The following PLD1 variants were observed in gnomAD, a reference collection of about 807,000 sequenced individuals.
The protein encoded by PLD1 is choline phosphatase 1.
Under a neutral mutation model 137.1 loss-of-function variants are expected in PLD1, and 112 were observed. That is an observed-to-expected ratio of 0.82 (90% CI 0.70 to 0.96). The LOEUF (loss-of-function observed/expected upper bound fraction) is 0.96. PLD1 is among the 40% of genes least tolerant of loss of function. The pLI is 0.00. For synonymous variants in PLD1, 431 were observed against 454.7 expected, an observed-to-expected ratio of 0.95 and a Z score of 0.66; for missense variants, 1,321 against 1,342.0, an observed-to-expected ratio of 0.98 and a Z score of 0.24.
chr3:171,656,567 T>G (rs1433124118), intron 21 of PLD1, among the ~76,000 whole-genome samples: 1 of 152,256 alleles, frequency 6.6e-6, no homozygotes. Flanking sequence ...AAACACATCT[T>G]TGGAACAGTA....
At position 171,688,750 on chromosome 3, in the gene PLD1, C is replaced by T. The variant is rs763289166; in HGVS notation, c.1465G>A (p.Asp489Asn). ...GIDLAYGRWD[D>N]NEHRLTDVGS... ...ACGTCTGTGAGTCTGTGCTCATTGT[C>T]GTCCCACCTTCCATAGGCCAGGTCA... Residue 489 changes from aspartate to asparagine, a missense_variant, in exon 14 of 27, where the codon GAC becomes AAC. Transcript: ENST00000351298. 20 of 1,614,170 alleles carry T rather than the reference C, an allele frequency of 1.2e-5. No individual in the cohort carries two copies. Among genetic ancestry groups the T allele is most frequent in the Non-Finnish European group, 1.6e-5 (19 of 1,180,012 alleles).
At chr3:171,665,030 T>C (rs1711966218) in intron 19 of PLD1, among the ~76,000 whole-genome samples, 1 of 152,184 alleles carries the variant, frequency 6.6e-6, no homozygotes, top group Non-Finnish European at 1.5e-5. Context: ...ACATCTGAGT[T>C]TTTCCCTCGA....
intron 6 of PLD1, among the ~76,000 whole-genome samples, chr3:171,729,103 T>C (rs1054675909): frequency 4.6e-5 from 7 of 152,208 alleles, no homozygotes; most frequent in Non-Finnish European, 8.8e-5. Context: ...CATTATCCAT[T>C]TGGGCAAGTG....
At chr3:171,613,503 G>A (rs1471538650) in intron 24 of PLD1, among the ~76,000 whole-genome samples, 1 of 152,186 alleles carries the variant, frequency 6.6e-6, no homozygotes, top group Non-Finnish European at 1.5e-5. Context: ...CAAAACTCAA[G>A]AGTACCTTCA....
intron 24 of PLD1, among the ~76,000 whole-genome samples, chr3:171,618,373 C>T (rs1411987752): frequency 2.0e-5 from 3 of 152,228 alleles, no homozygotes; most frequent in South Asian, 2.1e-4. Context: ...GTAAAGTAAA[C>T]GAGGCTGAAA....
At chr3:171,737,833 G>A in intron 2 of PLD1, 59 bp downstream of exon 2, 1 of 1,536,262 alleles carries the variant, frequency 6.5e-7, no homozygotes, top group Non-Finnish European at 8.8e-7. Flanking sequence ...TCAAATTTGT[G>A]GTCTTCCGAC....
intron 1 of PLD1, among the ~76,000 whole-genome samples, chr3:171,794,802 C>T (rs978902098): frequency 2.1e-4 from 32 of 152,000 alleles, no homozygotes; most frequent in African/African-American, 7.3e-4. Context: ...AAGAAAATAT[C>T]AATATGTTCT....
At position 171,790,552 on chromosome 3, in the gene PLD1, A is replaced by G. The variant is rs757412923; in HGVS notation, c.-32+19847T>C. Among the ~76,000 whole-genome samples, 10 of 152,344 alleles carry G rather than the reference A, an allele frequency of 6.6e-5. No homozygotes were observed. The South Asian group carries it at 1.4e-3, about 22-fold the overall frequency. On this transcript the variant is annotated intron_variant, in intron 1 of 26. Transcript: ENST00000351298. Reference sequence around the variant, plus strand: ...GTTAATTTTTCAAAAAATGAGATTTATGATAATTTAGAGATGCACAGTGAG... The same window carrying G: ...GTTAATTTTTCAAAAAATGAGATTTGTGATAATTTAGAGATGCACAGTGAG...
intron 1 of PLD1, among the ~76,000 whole-genome samples, chr3:171,800,378 G>T (rs1251705557): frequency 2.6e-5 from 4 of 151,866 alleles, no homozygotes; most frequent in Admixed American, 6.6e-5. Flanking sequence ...CTGGCTAATT[G>T]TTGTATTTTT....
At chr3:171,728,685 C>A (rs1718715294) in intron 6 of PLD1, among the ~76,000 whole-genome samples, 1 of 152,162 alleles carries the variant, frequency 6.6e-6, no homozygotes, top group Non-Finnish European at 1.5e-5. Context: ...TGGATATTTT[C>A]TTATTTACAT....
At chr3:171,670,474 G>A (rs9836712) in intron 19 of PLD1, among the ~76,000 whole-genome samples, 7 of 152,024 alleles carry the variant, frequency 4.6e-5, no homozygotes, top group African/African-American at 1.7e-4. Context: ...GTTCCTGAAG[G>A]GAGCAATTCA....
intron 23 of PLD1, among the ~76,000 whole-genome samples, chr3:171,620,965 C>T (rs529942033): frequency 6.6e-6 from 1 of 151,958 alleles, no homozygotes; most frequent in South Asian, 2.1e-4. Flanking sequence ...TTGACACTTG[C>T]TGCAGTTTGA....
chr3:171,753,458 A>C (rs1485289416), intron 1 of PLD1, among the ~76,000 whole-genome samples: 1 of 152,260 alleles, frequency 6.6e-6, no homozygotes, highest in African/African-American at 2.4e-5. Context: ...CTTCTTAAGC[A>C]GCTTCTCAGG....
At chr3:171,746,462 A>G (rs1720188680) in intron 1 of PLD1, among the ~76,000 whole-genome samples, 1 of 152,172 alleles carries the variant, frequency 6.6e-6, no homozygotes, top group African/African-American at 2.4e-5. Flanking sequence ...GTGTCCAGCT[A>G]ATCTGGTGGG....
At chr3:171,626,194 A>G (rs1734089794) in intron 23 of PLD1, among the ~76,000 whole-genome samples, 1 of 152,252 alleles carries the variant, frequency 6.6e-6, no homozygotes, top group African/African-American at 2.4e-5. Flanking sequence ...CTCGAGAACT[A>G]CATGAAGAAC....
chr3:171,764,873 A>C (rs1163565995), intron 1 of PLD1, among the ~76,000 whole-genome samples: 1 of 26,122 alleles, frequency 3.8e-5, no homozygotes, highest in Admixed American at 4.4e-4. Flanking sequence ...GAAAGAAAGA[A>C]AGAAAGAAAG....
intron 23 of PLD1, among the ~76,000 whole-genome samples, chr3:171,628,247 A>C (rs1358812858): frequency 6.6e-6 from 1 of 152,258 alleles, no homozygotes. Context: ...ACGCAAATAA[A>C]CTAGAAAATC....
chr3:171,770,728 T>TA (rs994440360), intron 1 of PLD1, among the ~76,000 whole-genome samples: 171 of 143,756 alleles, frequency 1.2e-3, no homozygotes, highest in Middle Eastern at 3.5e-3. Context: ...TAAAAAAGTA[T>TA]AAAAAAAAAA....
rs181882520 is a variant in PLD1, at chr3:171,807,678, A to G, written c.-32+2721T>C. Among the ~76,000 whole-genome samples, 4 of 152,320 alleles carry G rather than the reference A, an allele frequency of 2.6e-5. No individual in the cohort carries two copies. The East Asian group carries it at 7.7e-4, about 29-fold the overall frequency. On this transcript the variant is annotated intron_variant, in intron 1 of 26. Transcript: ENST00000351298. ...AAAGCAGTTGCAGATTTCTCAAAGAACTCAAAACGGAACTACCATTCAACC... is the reference window on the plus strand; with the variant it reads ...AAAGCAGTTGCAGATTTCTCAAAGAGCTCAAAACGGAACTACCATTCAACC...
Sources: gnomAD v4.1 joint callset for allele counts (sites outside exome capture counted in the v4.1 genomes callset) on GRCh38, gnomAD v4.1.1 for gene constraint, MANE v1.5 for transcripts, NCBI Gene and HGNC (gene_info 2026-07-23, HGNC 2026-07-21) for gene names.